BAIAP2: variants seen among roughly 807,000 people sequenced by gnomAD.
The protein encoded by BAIAP2 is BAR/IMD domain containing adaptor protein 2.
In BAIAP2, 18 loss-of-function variants were observed where a neutral mutation model predicts 63.0. That is an observed-to-expected ratio of 0.29 (90% CI 0.20 to 0.42). The LOEUF (loss-of-function observed/expected upper bound fraction) is 0.42. Among genes scored for constraint, BAIAP2 ranks in the 10% least tolerant of loss-of-function variants. BAIAP2 has a pLI of 1.00. For synonymous variants in BAIAP2, 386 were observed against 307.6 expected (o/e 1.25, Z -2.67); for missense variants, 610 against 734.3 (o/e 0.83, Z 1.96).
intron 6 of BAIAP2, among the ~76,000 whole-genome samples, chr17:81,087,215 A>T (rs961142823): frequency 2.0e-5 from 3 of 152,208 alleles, no homozygotes; most frequent in Admixed American, 2.0e-4. Context: ...GTGTAAAGGA[A>T]ACATCAGGAA....
At chr17:81,073,511 T>G (rs1220623447) in intron 3 of BAIAP2, among the ~76,000 whole-genome samples, 1 of 152,182 alleles carries the variant, frequency 6.6e-6, no homozygotes, top group Non-Finnish European at 1.5e-5. Flanking sequence ...GAAATGCTGT[T>G]TATGCTCCAT....
chr17:81,096,482 G>T (rs2057631566), intron 6 of BAIAP2, among the ~76,000 whole-genome samples: 1 of 152,278 alleles, frequency 6.6e-6, no homozygotes, highest in Non-Finnish European at 1.5e-5. Flanking sequence ...ATCCCTGGCA[G>T]TTCCCTGCGG....
chr17:81,106,313 G>T (rs1477179952), intron 11 of BAIAP2, among the ~76,000 whole-genome samples, 167 bp downstream of exon 11: 7 of 152,304 alleles, frequency 4.6e-5, no homozygotes, highest in African/African-American at 1.7e-4. Context: ...GGCCTTCAGG[G>T]TGGAGGCATG....
At chr17:81,090,798 G>T (rs551211366) in intron 6 of BAIAP2, among the ~76,000 whole-genome samples, 2 of 152,358 alleles carry the variant, frequency 1.3e-5, no homozygotes, top group South Asian at 4.1e-4. Flanking sequence ...TGCCTGGCTG[G>T]GATGTGCTGC....
intron 1 of BAIAP2, among the ~76,000 whole-genome samples, chr17:81,038,875 C>T (rs2046672521): frequency 1.4e-5 from 2 of 144,462 alleles, no homozygotes; most frequent in Admixed American, 1.4e-4. Context: ...CAGGCACCTC[C>T]TGGCATTGGA....
chr17:81,081,859 C>G (rs1296190321), intron 3 of BAIAP2, among the ~76,000 whole-genome samples: 1 of 152,332 alleles, frequency 6.6e-6, no homozygotes, highest in Non-Finnish European at 1.5e-5. Flanking sequence ...CCCTGCCCCA[C>G]TCCACAGGGC....
At position 81,104,440 on chromosome 17, in the gene BAIAP2, C is replaced by T. The variant is rs2058884116; in HGVS notation, c.1067-74C>T. The T allele has an allele frequency of 2.0e-6, 3 of 1,484,736 alleles. No individual in the cohort carries two copies. In the South Asian group the frequency reaches 3.8e-5, roughly 19 times the overall value. 92.0% of individuals were successfully genotyped at this position (1,484,736 alleles called of 1,614,324 possible). A position where few individuals can be genotyped will look rare whatever the true frequency, so the allele number is the denominator to read the frequency against. ...GCACAGGCGGCTGTGCTCTCAGCAC[C>T]TCAACCAGACTCCCTGGGCTTTGCT... On this transcript the variant is annotated intron_variant, in intron 9 of 13. Transcript: ENST00000428708.
intron 3 of BAIAP2, among the ~76,000 whole-genome samples, chr17:81,081,718 C>A (rs978295003): frequency 1.3e-5 from 2 of 152,148 alleles, no homozygotes; most frequent in Non-Finnish European, 2.9e-5. Flanking sequence ...TTAGACTTGC[C>A]CCCACCCCAC....
rs1016552462 is a variant in BAIAP2, at chr17:81,044,884, C to T, written c.55-8784C>T. ...CAGGCGAAAGGCAGCCGGAATGCAC[C>T]GTCCCGTGTGGGCCGGACACCCCGT... On this transcript the variant is annotated intron_variant, in intron 1 of 13. Transcript: ENST00000428708. 7.2e-5 allele frequency among the ~76,000 whole-genome samples: 11 copies of T among 152,240 alleles called. No homozygotes were observed. The East Asian group carries it at 7.7e-4, about 11-fold the overall frequency.
At position 81,106,772 on chromosome 17, in the gene BAIAP2, G is replaced by T; in HGVS notation, c.1365G>T (p.Thr455=). ...MSLQQGKSSS[T]GNLLDKDDLA... is the part of the protein sequence containing the mutation. Reference sequence around the variant, plus strand: ...TGCAGCAAGGGAAGAGCAGCAGCACGGGCAACCTCCTGGACAAGGACGACC... The same window carrying T: ...TGCAGCAAGGGAAGAGCAGCAGCACTGGCAACCTCCTGGACAAGGACGACC... The change falls in exon 12 of 14, where the codon ACG becomes ACT. Residue 455 remains threonine (T), a synonymous_variant. Transcript: ENST00000428708. The T allele has an allele frequency of 1.2e-6, 2 of 1,612,640 alleles. No homozygotes were observed. The highest frequency in any genetic ancestry group is 1.7e-6 in the Non-Finnish European group (2 of 1,179,796).
At chr17:81,035,742 C>T (rs1219955690) in intron 1 of BAIAP2, among the ~76,000 whole-genome samples, 3 of 151,700 alleles carry the variant, frequency 2.0e-5, no homozygotes, top group Admixed American at 6.6e-5. Context: ...GGGGTTGCGG[C>T]GGCCAGGACG....
chr17:81,116,067 G>A lies in BAIAP2; in HGVS notation c.*228G>A. ...AGACCCAGTGGCTGGGCTGCCCAGGGCTGAGGGGCCGCCTCTTGAGGGTAC... is the reference window on the plus strand; with the variant it reads ...AGACCCAGTGGCTGGGCTGCCCAGGACTGAGGGGCCGCCTCTTGAGGGTAC... On this transcript the variant is annotated 3_prime_UTR_variant, in exon 14 of 14. Coordinates refer to ENST00000428708, the MANE Select transcript of BAIAP2 (RefSeq NM_001144888.2). 1 of 1,475,064 alleles carries A rather than the reference G, an allele frequency of 6.8e-7. No homozygotes were observed. Among genetic ancestry groups the A allele is most frequent in the Non-Finnish European group, 9.0e-7 (1 of 1,116,348 alleles). 91.4% of individuals were successfully genotyped at this position (1,475,064 alleles called of 1,614,324 possible). A position where few individuals can be genotyped will look rare whatever the true frequency, so the allele number is the denominator to read the frequency against.
chr17:81,072,478 A>G (rs1291309607), intron 3 of BAIAP2, among the ~76,000 whole-genome samples: 1 of 152,164 alleles, frequency 6.6e-6, no homozygotes, highest in African/African-American at 2.4e-5. Context: ...CTTGGTGCCA[A>G]GAGCAGACGA....
At chr17:81,074,590 C>A (rs576950586) in intron 3 of BAIAP2, among the ~76,000 whole-genome samples, 2 of 135,516 alleles carry the variant, frequency 1.5e-5, no homozygotes, top group African/African-American at 5.7e-5. Context: ...TGTGTGAGTG[C>A]CTGTGTGTGC....
Position 81,106,924 on chromosome 17 carries a change from G to T in BAIAP2, c.1500+17G>T, listed in dbSNP as rs751306631. 6 of 1,485,716 alleles carry T rather than the reference G, an allele frequency of 4.0e-6. No homozygotes were observed. The South Asian group carries it at 8.2e-5, about 20-fold the overall frequency. The allele number at this position is 1,485,716 out of a possible 1,614,324, so 92.0% of individuals were successfully genotyped here. Reference sequence around the variant, plus strand: ...TTCTCCCAGGTCAGTGGGCGGGGCCGGGGCTGGGAGGGGCCCGCAGGTGGA... The same window carrying T: ...TTCTCCCAGGTCAGTGGGCGGGGCCTGGGCTGGGAGGGGCCCGCAGGTGGA... On this transcript the variant is annotated intron_variant, in intron 12 of 13. Coordinates refer to ENST00000428708, the MANE Select transcript of BAIAP2 (RefSeq NM_001144888.2).
At chr17:81,036,783 TG>T in intron 1 of BAIAP2, 1 of 1,248,724 alleles carries the variant, frequency 8.0e-7, no homozygotes, top group Non-Finnish European at 1.1e-6. Context: ...TGTTGCTCTG[TG>T]GAAGCACATG....
At chr17:81,066,443 C>A (rs1351231678) in intron 3 of BAIAP2, among the ~76,000 whole-genome samples, 1 of 152,214 alleles carries the variant, frequency 6.6e-6, no homozygotes, top group Non-Finnish European at 1.5e-5. Context: ...CTGCAGTGCA[C>A]GCCTCGTTGT....
At position 81,116,118 on chromosome 17, in the gene BAIAP2, G is replaced by T; in HGVS notation, c.*279G>T. On this transcript the variant is annotated 3_prime_UTR_variant, in exon 14 of 14. Transcript: ENST00000428708. ...ACGCCTCTGGTCACATGGCCATGGA[G>T]CCTTGGGTACCCCTGAGTTAAGGGA... is the stretch of plus-strand genomic sequence containing the variant. 1 of 1,567,332 alleles carries T rather than the reference G, an allele frequency of 6.4e-7. No individual in the cohort carries two copies. The highest frequency in any genetic ancestry group is 8.6e-7 in the Non-Finnish European group (1 of 1,158,692).
intron 13 of BAIAP2, among the ~76,000 whole-genome samples, chr17:81,114,072 C>T (rs554217752): frequency 1.0e-3 from 153 of 151,108 alleles, no homozygotes; most frequent in Middle Eastern, 3.4e-3. Context: ...TCAAGCGATC[C>T]TCCCACTTCA....
Sources: gnomAD v4.1 joint callset for allele counts (sites outside exome capture counted in the v4.1 genomes callset) on GRCh38, gnomAD v4.1.1 for gene constraint, MANE v1.5 for transcripts, NCBI Gene and HGNC (gene_info 2026-07-23, HGNC 2026-07-21) for gene names.